TNRC6C: variants seen among roughly 807,000 people sequenced by gnomAD.
TNRC6C encodes trinucleotide repeat containing adaptor 6C, also known as trinucleotide repeat-containing gene 6C protein.
Under a neutral mutation model 153.7 loss-of-function variants are expected in TNRC6C, and 20 were observed. That is an observed-to-expected ratio of 0.13 (90% confidence interval 0.09 to 0.19). The LOEUF is 0.19. Ranked by LOEUF, TNRC6C falls within the 10% of genes least tolerant of loss-of-function variation. The pLI is 1.00. For missense variants in TNRC6C, 1,987 were observed against 2,172.0 expected, an observed-to-expected ratio of 0.91 and a Z score of 1.69; for synonymous variants, 811 against 841.4, an observed-to-expected ratio of 0.96 and a Z score of 0.63.
intron 3 of TNRC6C, among the ~76,000 whole-genome samples, chr17:78,060,791 A>G (rs543813900): frequency 6.6e-6 from 1 of 152,314 alleles, no homozygotes; most frequent in South Asian, 2.1e-4. Flanking sequence ...TCACACTTAT[A>G]AAGCTATGTA....
chr17:77,978,669 G>A (rs1262703674), intron 1 of TNRC6C, among the ~76,000 whole-genome samples: 2 of 152,138 alleles, frequency 1.3e-5, no homozygotes, highest in Admixed American at 6.5e-5. Context: ...GCTAAGCAGA[G>A]TTTTCAATAG....
At chr17:78,093,743 G>A (rs1297400026) in exon 16 of TNRC6C, 2 of 1,613,822 alleles carry the variant, frequency 1.2e-6, no homozygotes, top group South Asian at 1.1e-5. Flanking sequence ...GATGTCAACC[G>A]CTACCTCCTC....
At chr17:78,043,846 A>G (rs1364436244) in intron 2 of TNRC6C, among the ~76,000 whole-genome samples, 1 of 152,206 alleles carries the variant, frequency 6.6e-6, no homozygotes, top group East Asian at 1.9e-4. Context: ...GCTTATTTTA[A>G]TTAACATAGT....
chr17:77,996,423 C>T (rs566706758), intron 1 of TNRC6C, among the ~76,000 whole-genome samples: 1 of 152,282 alleles, frequency 6.6e-6, no homozygotes, highest in East Asian at 1.9e-4. Context: ...ATCCAGGTAG[C>T]AGGCACTGAT....
chr17:77,958,421 C>G (rs1007033161), upstream of TNRC6C, among the ~76,000 whole-genome samples: 1 of 151,882 alleles, frequency 6.6e-6, no homozygotes, highest in Non-Finnish European at 1.5e-5. Context: ...CCGCTCGCAC[C>G]CCGGCGCGCT....
chr17:78,077,100 C>A lies in TNRC6C; in HGVS notation c.3061-85C>A, dbSNP rs1004358440. The stretch of plus-strand genomic sequence containing the variant: ...TCTGTTAATTATTTATCCATCCACG[C>A]CTCCTCTGTTTCCTTGGGAAACTGT... On this transcript the variant is annotated intron_variant, in intron 8 of 19. Transcript: ENST00000301624. 9 of 1,441,186 alleles carry A rather than the reference C, an allele frequency of 6.2e-6. No homozygotes were observed. The African/African-American group carries it at 1.0e-4, about 16-fold the overall frequency. 89.3% of individuals were successfully genotyped at this position (1,441,186 alleles called of 1,614,324 possible). A position where few individuals can be genotyped will look rare whatever the true frequency, so the allele number is the denominator to read the frequency against.
In TNRC6C at chr17:78,079,318, G is replaced by A; in HGVS notation, c.3211-77G>A. ...AACAATTTTGCATTCACTTGAAATA[G>A]ATCATTTCACCCTACCTCCAAACAA... On this transcript the variant is annotated intron_variant, in intron 9 of 19. Transcript: ENST00000301624. This position sits in a 1 kb window ranked among gnomAD's most constrained non-coding sequence, Gnocchi z 4.3. The A allele has an allele frequency of 6.4e-7, 1 of 1,568,384 alleles. No homozygotes were observed. Among genetic ancestry groups the A allele is most frequent in the Non-Finnish European group, 8.7e-7 (1 of 1,148,302 alleles).
At chr17:78,050,293 A>C (rs2072497864) in exon 3 of TNRC6C, 1 of 1,557,778 alleles carries the variant, frequency 6.4e-7, no homozygotes, top group South Asian at 1.2e-5. Flanking sequence ...TGAAGGAAGC[A>C]CTGGGAGGGA....
chr17:78,076,233 G>GA (rs899650295), intron 8 of TNRC6C, among the ~76,000 whole-genome samples: 71 of 128,100 alleles, frequency 5.5e-4, no homozygotes, highest in Non-Finnish European at 7.1e-4. Flanking sequence ...AAAAGAAAAA[G>GA]AAAAAAAAAA....
At chr17:77,975,036 A>G (rs1055216455) in intron 1 of TNRC6C, among the ~76,000 whole-genome samples, 1 of 152,254 alleles carries the variant, frequency 6.6e-6, no homozygotes, top group Non-Finnish European at 1.5e-5. Flanking sequence ...AGATTAAAAA[A>G]GAAACATTCA....
At chr17:78,016,201 G>C (rs1598690449) in intron 1 of TNRC6C, among the ~76,000 whole-genome samples, 1 of 152,328 alleles carries the variant, frequency 6.6e-6, no homozygotes, top group Admixed American at 6.5e-5. Context: ...CCGCAGACCA[G>C]GGGTCAGGAA....
In TNRC6C at chr17:77,993,268, C is replaced by CT. The variant is rs202063688; in HGVS notation, c.-37-10894dup. ...TGAGCCACCGCGTGCGGCCCTATCA[C>CT]TTTTTTTTATTTTAAAAGAAACCAG... is the stretch of plus-strand genomic sequence containing the variant. On this transcript the variant is annotated intron_variant, in intron 1 of 22. Transcript: ENST00000636222. 8.3e-3 allele frequency among the ~76,000 whole-genome samples: 1,269 copies of CT among 152,080 alleles called. 19 individuals are homozygous for CT. Among genetic ancestry groups the CT allele is most frequent in the African/African-American group, 0.027 (1,139 of 41,518 alleles).
chr17:78,020,405 T>G (rs1397947522), intron 1 of TNRC6C, among the ~76,000 whole-genome samples: 2 of 152,208 alleles, frequency 1.3e-5, no homozygotes, highest in Non-Finnish European at 2.9e-5. Flanking sequence ...GTAGAGTAAA[T>G]AGTTGTAAGG....
intron 17 of TNRC6C, among the ~76,000 whole-genome samples, chr17:78,102,025 G>A (rs191784360): frequency 9.1e-4 from 139 of 152,334 alleles, no homozygotes; most frequent in African/African-American, 2.9e-3. Flanking sequence ...CAGCCAAACC[G>A]TATCAGATAG....
chr17:78,021,559 GTTAT>G (rs147835038), intron 1 of TNRC6C, among the ~76,000 whole-genome samples: 1,831 of 152,258 alleles, frequency 0.012, 31 homozygotes, highest in African/African-American at 0.042. Flanking sequence ...CATGGAATAG[GTTAT>G]TTATTTTTTT....
At chr17:78,088,331 C>G (rs2073333560) in intron 13 of TNRC6C, among the ~76,000 whole-genome samples, 1 of 152,108 alleles carries the variant, frequency 6.6e-6, no homozygotes, top group Non-Finnish European at 1.5e-5. Flanking sequence ...CCCAACTCAC[C>G]ACCAAGAGGC....
At chr17:78,041,690 G>T (rs947726288) in intron 2 of TNRC6C, among the ~76,000 whole-genome samples, 6 of 152,164 alleles carry the variant, frequency 3.9e-5, no homozygotes, top group Non-Finnish European at 5.9e-5. Flanking sequence ...GCAGTAGAGG[G>T]GGAGGCATCT....
At chr17:78,086,468 TATC>T (rs1357801892) in intron 11 of TNRC6C, 32 bp from the exon 14 acceptor site, 1 of 1,588,712 alleles carries the variant, frequency 6.3e-7, no homozygotes, top group South Asian at 1.1e-5. Flanking sequence ...TACACTTAAT[TATC>T]ATACTATTTT....
At chr17:77,961,107 C>A (rs968663943) in intron 1 of TNRC6C, among the ~76,000 whole-genome samples, 1 of 150,958 alleles carries the variant, frequency 6.6e-6, no homozygotes, top group African/African-American at 2.4e-5. Context: ...TGTAACTCTT[C>A]TGTGCTTCTT....
Sources: allele counts gnomAD v4.1 joint callset (sites outside exome capture counted in the v4.1 genomes callset), GRCh38; gene constraint gnomAD v4.1.1; non-coding constraint Gnocchi (gnomAD v3.1); transcripts MANE v1.5; gene names NCBI Gene and HGNC (gene_info 2026-07-23, HGNC 2026-07-21).